The following INPP5A variants were observed in gnomAD, a reference collection of about 807,000 sequenced individuals.
INPP5A encodes the protein inositol polyphosphate-5-phosphatase A.
Under a neutral mutation model 65.2 loss-of-function variants are expected in INPP5A, and 14 were observed. The ratio of observed to expected loss-of-function variants is 0.21; its 90% CI spans 0.14 to 0.34. The LOEUF is 0.34. Among genes scored for constraint, INPP5A ranks in the 10% least tolerant of loss-of-function variants. INPP5A has a pLI of 1.00. For missense variants in INPP5A, 431 were observed against 545.6 expected (o/e 0.79, Z 2.09); for synonymous variants, 207 against 208.3 (o/e 0.99, Z 0.05).
In INPP5A at chr10:132,674,645, C is replaced by G. The variant is rs774430905; in HGVS notation, c.307-15747C>G. 6.6e-5 allele frequency among the ~76,000 whole-genome samples: 10 copies of G among 152,178 alleles called. No homozygotes were observed. Among genetic ancestry groups the G allele is most frequent in the African/African-American group, 1.4e-4 (6 of 41,434 alleles). ...TGTGCCTTCAGGACTTAATCAAGCC[C>G]AATCACATACATGCCACTTCCATTT... On this transcript the variant is annotated intron_variant, in intron 4 of 15. Coordinates refer to ENST00000368594, the MANE Select transcript of INPP5A (RefSeq NM_005539.5). The surrounding 1 kb of genome is among the most constrained non-coding windows in gnomAD (Gnocchi z 4.4).
At position 132,548,666 on chromosome 10, in the gene INPP5A, C is replaced by G. The variant is rs183191716; in HGVS notation, c.75+10495C>G. ...CTTTCTGTCCCGCCAGTTTCGCCTG[C>G]GCCGAGGGCACTGTATCGTGAACCA... On this transcript the variant is annotated intron_variant, in intron 1 of 15. Coordinates refer to ENST00000368594, the MANE Select transcript of INPP5A (RefSeq NM_005539.5). Among the ~76,000 whole-genome samples, 147 of 152,288 alleles carry G rather than the reference C, an allele frequency of 9.7e-4. 2 individuals are homozygous for G. In the South Asian group the frequency reaches 0.02, roughly 21 times the overall value.
chr10:132,596,442 T>G (rs1490157408), intron 1 of INPP5A, among the ~76,000 whole-genome samples: 4 of 150,196 alleles, frequency 2.7e-5, no homozygotes, highest in African/African-American at 9.8e-5. Context: ...TTGTTTTTTT[T>G]TTTTGAGATG....
chr10:132,572,256 A>C (rs569291953), intron 1 of INPP5A, among the ~76,000 whole-genome samples: 1 of 152,260 alleles, frequency 6.6e-6, no homozygotes, highest in Non-Finnish European at 1.5e-5. Flanking sequence ...CCTTCAGAAG[A>C]ATGTCGGAGT....
At chr10:132,632,188 G>A (rs539169505) in intron 2 of INPP5A, among the ~76,000 whole-genome samples, 14 of 152,314 alleles carry the variant, frequency 9.2e-5, no homozygotes, top group African/African-American at 3.4e-4. Flanking sequence ...CATCCTCTGC[G>A]GTCCAGCAAT....
chr10:132,619,833 A>T (rs1399309372), intron 2 of INPP5A, among the ~76,000 whole-genome samples: 2 of 152,078 alleles, frequency 1.3e-5, no homozygotes, highest in African/African-American at 2.4e-5. Context: ...TAATTTTTGT[A>T]TTTTTAGTAG....
At position 132,782,973 on chromosome 10, in the gene INPP5A, C is replaced by G. The variant is rs963444316; in HGVS notation, c.*944C>G. 5 of 152,326 alleles carry G rather than the reference C, an allele frequency of 3.3e-5. No homozygotes were observed. The highest frequency in any genetic ancestry group is 2.0e-4 in the Admixed American group (3 of 15,270). The allele number at this position is 152,326 out of a possible 1,614,324, so 9.4% of individuals were successfully genotyped here. A position where few individuals can be genotyped will look rare whatever the true frequency, so the allele number is the denominator to read the frequency against. ...TGGTGCCAAGTATCCTACGTTACAACAATAATATCATGGGAGAAATAGAAA... is the reference window on the plus strand; with the variant it reads ...TGGTGCCAAGTATCCTACGTTACAAGAATAATATCATGGGAGAAATAGAAA... On this transcript the variant is annotated 3_prime_UTR_variant, in exon 16 of 16. Coordinates refer to ENST00000368594, the MANE Select transcript of INPP5A (RefSeq NM_005539.5). This position sits in a 1 kb window ranked among gnomAD's most constrained non-coding sequence, Gnocchi z 4.4.
At chr10:132,691,169 G>A (rs1036754220) in intron 5 of INPP5A, among the ~76,000 whole-genome samples, 2 of 152,210 alleles carry the variant, frequency 1.3e-5, no homozygotes, top group Non-Finnish European at 2.9e-5. Context: ...AGACGGAGCG[G>A]CTCCTGTGAA....
rs554405493 is a variant in INPP5A at position 132,602,202 on chromosome 10, C to T, written c.76-5713C>T. On this transcript the variant is annotated intron_variant, in intron 1 of 15. Transcript: ENST00000368594. ...TTATTTCTAAGTTTTTTATTCTTTTCGATGCTGTTATAAATGGGATTTTAA... is the reference window on the plus strand; with the variant it reads ...TTATTTCTAAGTTTTTTATTCTTTTTGATGCTGTTATAAATGGGATTTTAA... 1.1e-4 allele frequency among the ~76,000 whole-genome samples: 17 copies of T among 152,240 alleles called. 2 individuals are homozygous for T. The South Asian group carries it at 1.2e-3, about 11-fold the overall frequency.
rs544744145 is a variant in INPP5A, at chr10:132,650,311, C to T, written c.219-107C>T. Reference sequence around the variant, plus strand: ...TGCCTGTCACGGGTGGATGGTCTCACGGTGATGTACCTATGTGCTGGAGCC... The same window carrying T: ...TGCCTGTCACGGGTGGATGGTCTCATGGTGATGTACCTATGTGCTGGAGCC... On this transcript the variant is annotated intron_variant, in intron 3 of 15. Coordinates refer to ENST00000368594, the MANE Select transcript of INPP5A (RefSeq NM_005539.5). This position sits in a 1 kb window ranked among gnomAD's most constrained non-coding sequence, Gnocchi z 5.5. 5.9e-5 allele frequency: 44 copies of T among 749,562 alleles called. No homozygotes were observed. Among genetic ancestry groups the T allele is most frequent in the South Asian group, 4.9e-4 (32 of 65,814 alleles). 46.4% of individuals were successfully genotyped at this position (749,562 alleles called of 1,614,324 possible).
chr10:132,751,551 C>T (rs1333131435), intron 11 of INPP5A, among the ~76,000 whole-genome samples: 1 of 152,236 alleles, frequency 6.6e-6, no homozygotes. Context: ...TCCCGGGTGG[C>T]GCATCCCGGC....
Position 132,726,897 on chromosome 10 carries a change from G to C in INPP5A, c.724G>C (p.Val242Leu). 1 of 1,606,950 alleles carries C rather than the reference G, an allele frequency of 6.2e-7. No individual in the cohort carries two copies. Among genetic ancestry groups the C allele is most frequent in the South Asian group, 1.1e-5 (1 of 90,684 alleles). Residue 242 changes from valine to leucine, a missense_variant, in exon 9 of 16, where the codon GTC becomes CTC. Physicochemically the swap from Val to Leu is conservative, Grantham distance 32. Transcript: ENST00000368594. ...CAACTTCCGGCTGGATTCCAAGTCC[G>C]TCGTGGAGGTAGGCGCTGGCTTCCC... ...DFNFRLDSKS[V>L]VETLCTKATM...
At chr10:132,781,457 C>T (rs1245750717) in intron 14 of INPP5A, among the ~76,000 whole-genome samples, 1 of 152,236 alleles carries the variant, frequency 6.6e-6, no homozygotes, top group Admixed American at 6.5e-5. Context: ...CGTTGGAGGC[C>T]CAGAGCTGTG....
intron 4 of INPP5A, among the ~76,000 whole-genome samples, chr10:132,653,541 C>T (rs1374205896): frequency 2.0e-5 from 3 of 152,070 alleles, no homozygotes; most frequent in Non-Finnish European, 2.9e-5. Context: ...GCAAAACAGT[C>T]GCCAGGGCAC....
chr10:132,764,895 A>T (rs1846811977), intron 11 of INPP5A, among the ~76,000 whole-genome samples: 1 of 142,640 alleles, frequency 7.0e-6, no homozygotes, highest in Non-Finnish European at 1.5e-5. Context: ...GGTGACACTC[A>T]GGAACACGGT....
At chr10:132,710,097 G>C (rs1282099133) in intron 7 of INPP5A, among the ~76,000 whole-genome samples, 1 of 152,262 alleles carries the variant, frequency 6.6e-6, no homozygotes, top group East Asian at 1.9e-4. Flanking sequence ...AAGAAAAGTA[G>C]CTCACTTTTT....
At chr10:132,572,528 G>C (rs1339295955) in intron 1 of INPP5A, among the ~76,000 whole-genome samples, 1 of 152,088 alleles carries the variant, frequency 6.6e-6, no homozygotes. Context: ...TGCTGAGGCT[G>C]CCCAGGGCTG....
At chr10:132,701,516 A>G (rs1845437268) in intron 6 of INPP5A, among the ~76,000 whole-genome samples, 1 of 152,160 alleles carries the variant, frequency 6.6e-6, no homozygotes, top group South Asian at 2.1e-4. Context: ...ACAAGTATGT[A>G]CATCCAGAAG....
chr10:132,716,440 C>T (rs1411690121), intron 8 of INPP5A, among the ~76,000 whole-genome samples: 1 of 152,248 alleles, frequency 6.6e-6, no homozygotes, highest in Non-Finnish European at 1.5e-5. Flanking sequence ...ACATGTCCAG[C>T]ATCCTGTGAA....
At chr10:132,680,804 C>A (rs1030114243) in intron 4 of INPP5A, among the ~76,000 whole-genome samples, 3 of 152,270 alleles carry the variant, frequency 2.0e-5, no homozygotes, top group African/African-American at 7.2e-5. Flanking sequence ...GGGCCAGCAG[C>A]TGCGGAGGGT....
Sources: gnomAD v4.1 joint callset for allele counts (sites outside exome capture counted in the v4.1 genomes callset) on GRCh38, gnomAD v4.1.1 for gene constraint, Gnocchi (gnomAD v3.1) non-coding constraint, MANE v1.5 for transcripts, NCBI Gene and HGNC (gene_info 2026-07-23, HGNC 2026-07-21) for gene names.